The following ANK2 variants were observed in gnomAD, a reference collection of about 807,000 sequenced individuals.
ANK2 encodes ankyrin-2.
Under a neutral mutation model 360.5 loss-of-function variants are expected in ANK2, and 83 were observed. The observed-to-expected ratio is 0.23, with a 90% CI of 0.19 to 0.28. The LOEUF (loss-of-function observed/expected upper bound fraction) is 0.28. ANK2 is among the 10% of genes least tolerant of loss of function. ANK2 has a pLI of 1.00. For missense variants in ANK2, 4,201 were observed against 4,795.7 expected, an observed-to-expected ratio of 0.88 and a Z score of 3.66; for synonymous variants, 1,740 against 1,759.5, an observed-to-expected ratio of 0.99 and a Z score of 0.28.
chr4:112,723,354 AT>A, the ANK2 span, among the ~76,000 whole-genome samples: 2 of 151,306 alleles, frequency 1.3e-5, no homozygotes, highest in African/African-American at 4.9e-5. Flanking sequence ...GCTCCTCAAG[AT>A]TTTTTTTTGT....
At chr4:113,126,700 G>A (rs1323727152) in intron 1 of ANK2, among the ~76,000 whole-genome samples, 2 of 152,126 alleles carry the variant, frequency 1.3e-5, no homozygotes, top group Admixed American at 1.3e-4. Context: ...GGACCCAGTA[G>A]CAGATGCCAA....
intron 2 of ANK2, among the ~76,000 whole-genome samples, chr4:112,962,071 T>C: frequency 6.6e-6 from 1 of 152,184 alleles, no homozygotes. Context: ...TTTGTTTCTA[T>C]TAATTTTTGT....
rs779672757 is a variant in ANK2 at position 113,365,096 on chromosome 4, T to C, written c.10946T>C (p.Met3649Thr). 2 of 1,614,020 alleles carry C rather than the reference T, an allele frequency of 1.2e-6. No individual in the cohort carries two copies. Among genetic ancestry groups the C allele is most frequent in the Non-Finnish European group, 1.7e-6 (2 of 1,179,916 alleles). The stretch of plus-strand genomic sequence containing the variant: ...AACCGAATGGATATTGTTCATCTCA[T>C]GGAGACCAACACAGAACCTCTCCAG... ...KINRMDIVHL[M>T]ETNTEPLQER... Residue 3649 changes from methionine (M) to threonine (T), a missense_variant, in exon 41 of 46, where the codon ATG becomes ACG. By Grantham distance (81) the Met-to-Thr change is moderately conservative (BLOSUM62 -1). Transcript: ENST00000357077.
intron 26 of ANK2, among the ~76,000 whole-genome samples, chr4:113,328,736 A>G (rs2091358221): frequency 1.3e-5 from 2 of 152,190 alleles, no homozygotes; most frequent in African/African-American, 2.4e-5. Context: ...CTCATCCTGC[A>G]TGACATGCTT....
intron 2 of ANK2, among the ~76,000 whole-genome samples, chr4:112,908,128 G>C (rs967562394): frequency 2.0e-5 from 3 of 152,104 alleles, no homozygotes; most frequent in Non-Finnish European, 4.4e-5. Context: ...GTATTGATAA[G>C]GTAGAAAAGC....
rs547601197 is a variant in ANK2, at chr4:113,066,013, T to A, written c.84+16201T>A. ...TATTTTATAATACTTTAAGACCATC[T>A]TTAATTAGAACTAAAACAAAAAAAG... On this transcript the variant is annotated intron_variant, in intron 1 of 45. Transcript: ENST00000357077. 9.2e-5 allele frequency among the ~76,000 whole-genome samples: 14 copies of A among 152,354 alleles called. No individual in the cohort carries two copies. The East Asian group carries it at 2.7e-3, about 29-fold the overall frequency.
intron 1 of ANK2, among the ~76,000 whole-genome samples, chr4:112,832,048 C>G (rs180877620): frequency 6.6e-6 from 1 of 152,104 alleles, no homozygotes; most frequent in Non-Finnish European, 1.5e-5. Flanking sequence ...TCAGCGAGAC[C>G]AAGAACCCAC....
chr4:113,118,883 A>C (rs2095111066), intron 1 of ANK2, among the ~76,000 whole-genome samples: 1 of 152,196 alleles, frequency 6.6e-6, no homozygotes, highest in Non-Finnish European at 1.5e-5. Flanking sequence ...CCTTGTCAGC[A>C]TTCAGCTGTG....
At chr4:113,332,096 T>C in intron 28 of ANK2, 26 bp downstream of exon 28, 1 of 1,564,354 alleles carries the variant, frequency 6.4e-7, no homozygotes, top group Non-Finnish European at 8.8e-7. Flanking sequence ...AACAAATTGA[T>C]GGCTGCTGGC....
intron 1 of ANK2, among the ~76,000 whole-genome samples, chr4:113,106,146 A>G (rs1047838523): frequency 1.3e-5 from 2 of 152,196 alleles, no homozygotes; most frequent in Admixed American, 1.3e-4. Context: ...AAGCAGAAAA[A>G]TATCCACTAA....
At chr4:113,279,309 A>T (rs894572623) in intron 17 of ANK2, among the ~76,000 whole-genome samples, 1 of 152,186 alleles carries the variant, frequency 6.6e-6, no homozygotes, top group Non-Finnish European at 1.5e-5. Flanking sequence ...ACAATATAAT[A>T]AAAAAACTGC....
intron 1 of ANK2, chr4:112,882,189 C>A (rs2076892478): frequency 5.3e-6 from 1 of 187,614 alleles, no homozygotes. Context: ...TATCCACGGG[C>A]AGAAAGCAGC....
At chr4:113,317,601 T>G (rs767177267) in intron 24 of ANK2, 106 bp from the exon 25 acceptor site, 72 of 824,626 alleles carry the variant, frequency 8.7e-5, no homozygotes, top group Non-Finnish European at 1.4e-4. Context: ...GTTGTGCTGT[T>G]AGCTAATAGC....
At chr4:113,104,711 T>C (rs1166581769) in intron 1 of ANK2, among the ~76,000 whole-genome samples, 2 of 142,508 alleles carry the variant, frequency 1.4e-5, no homozygotes, top group African/African-American at 2.6e-5. Flanking sequence ...CGAGATTCCA[T>C]CTCAAAGCTA....
At chr4:113,018,204 A>G (rs1275954458) in intron 2 of ANK2, among the ~76,000 whole-genome samples, 2 of 152,232 alleles carry the variant, frequency 1.3e-5, no homozygotes, top group African/African-American at 2.4e-5. Context: ...TTAATGATAT[A>G]AAACACAGGT....
intron 1 of ANK2, among the ~76,000 whole-genome samples, chr4:113,076,361 C>T (rs1561888533): frequency 6.6e-6 from 1 of 152,204 alleles, no homozygotes; most frequent in Non-Finnish European, 1.5e-5. Flanking sequence ...TATTTTCTTT[C>T]GGTATCAGTA....
chr4:113,154,224 A>G lies in ANK2; in HGVS notation c.85-20192A>G, dbSNP rs143593086. Among the ~76,000 whole-genome samples, 613 of 152,362 alleles carry G rather than the reference A, an allele frequency of 4.0e-3. 16 individuals are homozygous for G. The highest frequency in any genetic ancestry group is 4.3e-4 in the Non-Finnish European group (29 of 68,038). ...CATAAAGTTTTAAACCATAACACTT[A>G]GAATAAATTTAAGTTTCACTTCCAA... On this transcript the variant is annotated intron_variant, in intron 1 of 45. Transcript: ENST00000357077.
chr4:113,042,322 A>T (rs1324558910), intron 2 of ANK2, among the ~76,000 whole-genome samples: 1 of 152,106 alleles, frequency 6.6e-6, no homozygotes, highest in African/African-American at 2.4e-5. Context: ...CCTCAGCCTG[A>T]ATTACACCAC....
At position 113,311,254 on chromosome 4, in the gene ANK2, G is replaced by A. The variant is rs2079811556; in HGVS notation, c.2549-1G>A. Reference sequence around the variant, plus strand: ...CTGCTTCTTCCTCTGATTGTTTCAAGGTGATGACACAATGACTGGTGATGG... The same window carrying A: ...CTGCTTCTTCCTCTGATTGTTTCAAAGTGATGACACAATGACTGGTGATGG... On this transcript the variant is annotated splice_acceptor_variant, in intron 23 of 45. Transcript: ENST00000357077. LOFTEE classifies it high-confidence loss of function. The A allele has an allele frequency of 6.2e-7, 1 of 1,613,958 alleles. No individual in the cohort carries two copies. Among genetic ancestry groups the A allele is most frequent in the Admixed American group, 1.7e-5 (1 of 60,004 alleles).
Sources: gnomAD v4.1 joint callset for allele counts (sites outside exome capture counted in the v4.1 genomes callset) on GRCh38, gnomAD v4.1.1 for gene constraint, MANE v1.5 for transcripts, NCBI Gene and HGNC (gene_info 2026-07-23, HGNC 2026-07-21) for gene names.